The following ZNF317 variants were observed in gnomAD, a reference collection of about 807,000 sequenced individuals.
ZNF317 encodes zinc finger protein 317, also known as KRAB-containing zinc finger protein 317.
Under a neutral mutation model 23.4 loss-of-function variants are expected in ZNF317, and 17 were observed. The ratio of observed to expected loss-of-function variants is 0.73; its 90% CI spans 0.50 to 1.09. The LOEUF (loss-of-function observed/expected upper bound fraction) is 1.09. ZNF317 is among the 50% of genes least tolerant of loss of function. The probability of loss-of-function intolerance (pLI) is 0.00; values close to 1 mark genes in which losing one functional copy is unlikely to be tolerated. For missense variants in ZNF317, 679 were observed against 796.7 expected, an observed-to-expected ratio of 0.85 and a Z score of 1.78; for synonymous variants, 317 against 314.9, an observed-to-expected ratio of 1.01 and a Z score of -0.07.
At position 9,148,451 on chromosome 19, in the gene ZNF317, G is replaced by A. The variant is rs568471565; in HGVS notation, c.-92-7474G>A. ...GGTGGATGTTGGCCCCAGGGTGTTG[G>A]GCTAAGCCATAGGGCTGTGTCCTAG... On this transcript the variant is annotated intron_variant, in intron 1 of 6. Coordinates refer to ENST00000247956, the MANE Select transcript of ZNF317 (RefSeq NM_020933.5). 4.6e-5 allele frequency among the ~76,000 whole-genome samples: 7 copies of A among 152,262 alleles called. No individual in the cohort carries two copies. The South Asian group carries it at 1.5e-3, about 32-fold the overall frequency.
Position 9,162,435 on chromosome 19 carries a change from T to C in ZNF317, c.*1002T>C, listed in dbSNP as rs993608458. On this transcript the variant is annotated 3_prime_UTR_variant, in exon 7 of 7. Coordinates refer to ENST00000247956, the MANE Select transcript of ZNF317 (RefSeq NM_020933.5). ...ACTTTTAAAATACAATTAGTGCTGATAATTCCTATGTGGAAATGATTCCAG... is the reference window on the plus strand; with the variant it reads ...ACTTTTAAAATACAATTAGTGCTGACAATTCCTATGTGGAAATGATTCCAG... The C allele has an allele frequency of 6.6e-6, 1 of 152,126 alleles. No individual in the cohort carries two copies. Among genetic ancestry groups the C allele is most frequent in the Non-Finnish European group, 1.5e-5 (1 of 68,028 alleles). 9.4% of individuals were successfully genotyped at this position (152,126 alleles called of 1,614,324 possible).
At chr19:9,158,241 C>T (rs1022329171) in intron 5 of ZNF317, among the ~76,000 whole-genome samples, 166 bp downstream of exon 5, 1 of 151,968 alleles carries the variant, frequency 6.6e-6, no homozygotes, top group Non-Finnish European at 1.5e-5. Flanking sequence ...CACACTCCTT[C>T]ATCTTTGACT....
chr19:9,141,932 A>C (rs1401822638), intron 1 of ZNF317, among the ~76,000 whole-genome samples: 2 of 151,956 alleles, frequency 1.3e-5, no homozygotes, highest in East Asian at 3.9e-4. Flanking sequence ...CAGCCTCCCG[A>C]GTAGCTGGGA....
chr19:9,147,840 C>A lies in ZNF317; in HGVS notation c.-93+7248C>A, dbSNP rs111851232. On this transcript the variant is annotated intron_variant, in intron 1 of 6. Coordinates refer to ENST00000247956, the MANE Select transcript of ZNF317 (RefSeq NM_020933.5). ...TTGGATGTGTATCCGCCCCCTCCCCCCCTCCAAATCTCATATGGAAATGTA... is the reference window on the plus strand; with the variant it reads ...TTGGATGTGTATCCGCCCCCTCCCCACCTCCAAATCTCATATGGAAATGTA... 1.7e-4 allele frequency among the ~76,000 whole-genome samples: 26 copies of A among 152,256 alleles called. 1 individual carries two copies. Among genetic ancestry groups the A allele is most frequent in the Admixed American group, 1.1e-3 (17 of 15,292 alleles).
intron 1 of ZNF317, among the ~76,000 whole-genome samples, chr19:9,145,425 A>G (rs8112416): frequency 0.098 from 14,864 of 152,166 alleles, 863 homozygotes; most frequent in African/African-American, 0.17. Flanking sequence ...GCCCAGGCTT[A>G]CTTTGTTTCT....
At chr19:9,149,494 A>G (rs2050717868) in intron 1 of ZNF317, among the ~76,000 whole-genome samples, 1 of 152,080 alleles carries the variant, frequency 6.6e-6, no homozygotes, top group Non-Finnish European at 1.5e-5. Context: ...AAGAGTGGCC[A>G]GTGAATGCCA....
In ZNF317 at chr19:9,161,695, G is replaced by A. The variant is rs1198321800; in HGVS notation, c.*262G>A. On this transcript the variant is annotated 3_prime_UTR_variant, in exon 7 of 7. Transcript: ENST00000247956. The surrounding 1 kb of genome is among the most constrained non-coding windows in gnomAD (Gnocchi z 4.0). ...CATTCAGCTCTTAACAAACACAGGAGGACTTAATGGCAGCTTGGCATTTAA... is the reference window on the plus strand; with the variant it reads ...CATTCAGCTCTTAACAAACACAGGAAGACTTAATGGCAGCTTGGCATTTAA... 15 of 433,270 alleles carry A rather than the reference G, an allele frequency of 3.5e-5. No homozygotes were observed. The highest frequency in any genetic ancestry group is 6.2e-5 in the Non-Finnish European group (15 of 243,654). The allele number at this position is 433,270 out of a possible 1,614,324, so 26.8% of individuals were successfully genotyped here. A position where few individuals can be genotyped will look rare whatever the true frequency, so the allele number is the denominator to read the frequency against.
intron 4 of ZNF317, 192 bp from the exon 5 acceptor site, chr19:9,157,788 G>A: frequency 7.5e-7 from 1 of 1,339,354 alleles, no homozygotes; most frequent in Non-Finnish European, 9.5e-7. Context: ...TGCTTTGCCT[G>A]TGGTTTTGTT....
At position 9,140,437 on chromosome 19, in the gene ZNF317, G is replaced by T. The variant is rs74779691; in HGVS notation, c.-248G>T. The T allele has an allele frequency of 4.4e-6, 2 of 449,920 alleles. No homozygotes were observed. Among genetic ancestry groups the T allele is most frequent in the Admixed American group, 2.4e-5 (1 of 41,194 alleles). The allele number at this position is 449,920 out of a possible 1,614,324, so 27.9% of individuals were successfully genotyped here. ...ATTACTCTCTGGAGTCGATTGCCCC[G>T]AGACACATGGGCCAAGGAGGGGTCA... On this transcript the variant is annotated 5_prime_UTR_variant, in exon 1 of 7. Transcript: ENST00000247956.
intron 1 of ZNF317, among the ~76,000 whole-genome samples, chr19:9,153,815 C>T (rs1190421899): frequency 6.6e-6 from 1 of 152,166 alleles, no homozygotes; most frequent in African/African-American, 2.4e-5. Flanking sequence ...TTACTGGATT[C>T]ACTGACACGG....
At chr19:9,150,182 T>A (rs2050724045) in intron 1 of ZNF317, among the ~76,000 whole-genome samples, 1 of 152,176 alleles carries the variant, frequency 6.6e-6, no homozygotes, top group African/African-American at 2.4e-5. Context: ...TGCCACTCAC[T>A]CTGAGTCATT....
Position 9,158,093 on chromosome 19 carries a change from A to T in ZNF317, c.385+18A>T. 3 of 1,547,788 alleles carry T rather than the reference A, an allele frequency of 1.9e-6. No homozygotes were observed. The highest frequency in any genetic ancestry group is 2.6e-6 in the Non-Finnish European group (3 of 1,145,570). On this transcript the variant is annotated intron_variant, in intron 5 of 6. Coordinates refer to ENST00000247956, the MANE Select transcript of ZNF317 (RefSeq NM_020933.5). ...TTGTGCAGGTGAGCGAGCCCCAGGC[A>T]AAGAGCGGTGCTGTGACTCTACCTC...
chr19:9,159,164 GTTTTA>G (rs1216475662), intron 6 of ZNF317, among the ~76,000 whole-genome samples: 1 of 152,142 alleles, frequency 6.6e-6, no homozygotes, highest in Non-Finnish European at 1.5e-5. Flanking sequence ...TGCAGTTTTT[GTTTTA>G]TTTTATATTT....
intron 1 of ZNF317, among the ~76,000 whole-genome samples, chr19:9,149,971 C>A (rs2050722041): frequency 6.6e-6 from 1 of 152,132 alleles, no homozygotes; most frequent in African/African-American, 2.4e-5. Flanking sequence ...TTAAGGCTGG[C>A]AGGATTTGCT....
At chr19:9,146,968 A>G (rs1042840886) in intron 1 of ZNF317, among the ~76,000 whole-genome samples, 1 of 152,172 alleles carries the variant, frequency 6.6e-6, no homozygotes, top group Admixed American at 6.5e-5. Flanking sequence ...CACAAACTTG[A>G]TGGAGGAGGC....
rs2050836907 is a variant in ZNF317, at chr19:9,160,445, G to T, written c.800G>T (p.Ser267Ile). The change falls in exon 7 of 7, where the codon AGC becomes ATC. Residue 267 changes from serine to isoleucine, a missense_variant. Transcript: ENST00000247956. This position sits in a 1 kb window ranked among gnomAD's most constrained non-coding sequence, Gnocchi z 6.8. ...TTCAACGACCCTTCAGCCCTTAGGA[G>T]CCACGCAAGAACTCACCTCAAAGAG... ...KAFNDPSALR[S>I]HARTHLKEKP... 6.2e-7 allele frequency: 1 copy of T among 1,613,870 alleles called. No homozygotes were observed. Among genetic ancestry groups the T allele is most frequent in the Non-Finnish European group, 8.5e-7 (1 of 1,180,006 alleles).
At chr19:9,156,860 A>G in intron 3 of ZNF317, 112 bp downstream of exon 3, 2 of 1,324,182 alleles carry the variant, frequency 1.5e-6, no homozygotes, top group Non-Finnish European at 2.1e-6. Flanking sequence ...ATGCCAGAAC[A>G]GGGCCCAAGA....
Position 9,160,007 on chromosome 19 carries a change from A to G in ZNF317, c.469-107A>G. 1 of 1,503,634 alleles carries G rather than the reference A, an allele frequency of 6.7e-7. No individual in the cohort carries two copies. Among genetic ancestry groups the G allele is most frequent in the Non-Finnish European group, 9.1e-7 (1 of 1,104,788 alleles). The allele number at this position is 1,503,634 out of a possible 1,614,324, so 93.1% of individuals were successfully genotyped here. A position where few individuals can be genotyped will look rare whatever the true frequency, so the allele number is the denominator to read the frequency against. On this transcript the variant is annotated intron_variant, in intron 6 of 6. Coordinates refer to ENST00000247956, the MANE Select transcript of ZNF317 (RefSeq NM_020933.5). This position sits in a 1 kb window ranked among gnomAD's most constrained non-coding sequence, Gnocchi z 6.8. ...ACGGCAGATGGTTACAGCTCTAGTC[A>G]TAGTAATGTGCTTCTATCTGTTCAT... is the stretch of plus-strand genomic sequence containing the variant.
chr19:9,150,835 G>A (rs1055275945), intron 1 of ZNF317, among the ~76,000 whole-genome samples: 14 of 152,310 alleles, frequency 9.2e-5, no homozygotes, highest in African/African-American at 3.4e-4. Context: ...CACTTTGAGA[G>A]GCAACAAGAT....
Sources: allele counts gnomAD v4.1 joint callset (sites outside exome capture counted in the v4.1 genomes callset), GRCh38; gene constraint gnomAD v4.1.1; non-coding constraint Gnocchi (gnomAD v3.1); transcripts MANE v1.5; gene names NCBI Gene and HGNC (gene_info 2026-07-23, HGNC 2026-07-21).